The following TAS2R1 variants were observed in gnomAD, a reference collection of about 807,000 sequenced individuals.
TAS2R1 encodes the protein taste 2 receptor member 1.
For synonymous variants in TAS2R1, 141 were observed against 134.2 expected (o/e 1.05, Z -0.35); for missense variants, 370 against 353.4 (o/e 1.05, Z -0.38).
the TAS2R1 span, among the ~76,000 whole-genome samples, chr5:9,840,857 A>ATTTATTTT: frequency 2.3e-5 from 3 of 132,086 alleles, no homozygotes; most frequent in African/African-American, 8.4e-5. Flanking sequence ...TTATTTATTT[A>ATTTATTTT]TTTTTTTTTT....
At chr5:9,734,859 C>A in the TAS2R1 span, among the ~76,000 whole-genome samples, 1 of 151,282 alleles carries the variant, frequency 6.6e-6, no homozygotes. Context: ...TTTATATTCC[C>A]CTTGACTCAC....
the TAS2R1 span, among the ~76,000 whole-genome samples, chr5:9,812,226 T>C: frequency 6.6e-6 from 1 of 152,026 alleles, no homozygotes; most frequent in Non-Finnish European, 1.5e-5. Flanking sequence ...TACTGTCTGG[T>C]TCGGAGAAAA....
chr5:9,897,129 T>C, the TAS2R1 span, among the ~76,000 whole-genome samples: 8 of 151,696 alleles, frequency 5.3e-5, no homozygotes, highest in African/African-American at 1.9e-4. Flanking sequence ...TAACATGAGG[T>C]TTTCTTAAAA....
At chr5:9,900,836 G>T in the TAS2R1 span, among the ~76,000 whole-genome samples, 1 of 151,996 alleles carries the variant, frequency 6.6e-6, no homozygotes, top group African/African-American at 2.4e-5. Flanking sequence ...TGTTAGGCAG[G>T]ATGGTCTCGA....
chr5:9,729,583 T>A, the TAS2R1 span, among the ~76,000 whole-genome samples: 28 of 152,314 alleles, frequency 1.8e-4, no homozygotes, highest in East Asian at 5.8e-4. Context: ...CCCTTTTTTT[T>A]AAATATACTT....
chr5:9,852,852 A>ATAT, the TAS2R1 span, among the ~76,000 whole-genome samples: 728 of 151,270 alleles, frequency 4.8e-3, 6 homozygotes, highest in African/African-American at 0.017. Flanking sequence ...GAAAAAAAAA[A>ATAT]ATATATATAT....
the TAS2R1 span, among the ~76,000 whole-genome samples, chr5:9,820,673 C>T: frequency 2.6e-5 from 4 of 152,284 alleles, no homozygotes; most frequent in Admixed American, 6.5e-5. Flanking sequence ...CCACAGGCAG[C>T]ACAAAGAGCT....
At chr5:9,888,779 AGAG>A in the TAS2R1 span, among the ~76,000 whole-genome samples, 2 of 152,112 alleles carry the variant, frequency 1.3e-5, no homozygotes, top group African/African-American at 4.8e-5. Context: ...GATGACTCAC[AGAG>A]GAGGCAAGGG....
the TAS2R1 span, among the ~76,000 whole-genome samples, chr5:9,891,526 T>C: frequency 3.3e-5 from 5 of 152,116 alleles, no homozygotes; most frequent in Non-Finnish European, 7.4e-5. Context: ...GCACAGAGTA[T>C]GGGTTCCAAA....
chr5:9,632,461 G>C (rs965622266), upstream of TAS2R1, among the ~76,000 whole-genome samples: 1 of 152,124 alleles, frequency 6.6e-6, no homozygotes, highest in African/African-American at 2.4e-5. Context: ...GTGCATTGAT[G>C]AACTCTTCCT....
chr5:9,856,874 A>G, the TAS2R1 span, among the ~76,000 whole-genome samples: 129 of 152,358 alleles, frequency 8.5e-4, 1 homozygote, highest in African/African-American at 3.1e-3. Context: ...CAAGATATGG[A>G]ATAAATCTAA....
At chr5:9,735,857 T>C in the TAS2R1 span, among the ~76,000 whole-genome samples, 1 of 152,242 alleles carries the variant, frequency 6.6e-6, no homozygotes, top group African/African-American at 2.4e-5. Flanking sequence ...CATATGGAGA[T>C]AGAAACCTAT....
At chr5:9,828,614 A>G in the TAS2R1 span, among the ~76,000 whole-genome samples, 43,357 of 152,150 alleles carry the variant, frequency 0.28, 6,931 homozygotes, top group Non-Finnish European at 0.37. Flanking sequence ...CATCTTTGAA[A>G]TCAACTGCTT....
At chr5:9,679,787 T>C (rs1740959421) in intron 1 of TAS2R1, among the ~76,000 whole-genome samples, 1 of 152,176 alleles carries the variant, frequency 6.6e-6, no homozygotes, top group African/African-American at 2.4e-5. Flanking sequence ...GTAACATACA[T>C]AAATATTTAT....
chr5:9,834,929 G>A, the TAS2R1 span, among the ~76,000 whole-genome samples: 35,863 of 151,932 alleles, frequency 0.24, 4,485 homozygotes, highest in African/African-American at 0.33. Flanking sequence ...ATCATAAAAC[G>A]AGCCTAATGT....
At chr5:9,685,756 A>G (rs888315733) in intron 1 of TAS2R1, among the ~76,000 whole-genome samples, 6 of 152,184 alleles carry the variant, frequency 3.9e-5, no homozygotes, top group Non-Finnish European at 5.9e-5. Flanking sequence ...GTATTTCTAT[A>G]CCTATTTTTT....
At position 9,666,556 on chromosome 5, in the gene TAS2R1, A is replaced by G. The variant is rs938006527; in HGVS notation, c.-241-6975T>C. ...GATTTCTTCCTTGATGATGATACTTACAGAAAACAGATTCAAATTTGCTAG... is the reference window on the plus strand; with the variant it reads ...GATTTCTTCCTTGATGATGATACTTGCAGAAAACAGATTCAAATTTGCTAG... On this transcript the variant is annotated intron_variant, in intron 1 of 2. Coordinates refer to the TAS2R1 transcript ENST00000506620. Among the ~76,000 whole-genome samples the G allele has an allele frequency of 4.5e-4, 68 of 152,222 alleles. 1 individual carries two copies. The highest frequency in any genetic ancestry group is 3.9e-3 in the Admixed American group (60 of 15,270).
At chr5:9,810,955 CCCAAGACTATG>C in the TAS2R1 span, among the ~76,000 whole-genome samples, 1 of 152,100 alleles carries the variant, frequency 6.6e-6, no homozygotes, top group African/African-American at 2.4e-5. Context: ...CCAGCTATGC[CCCAAGACTATG>C]CCTGGTTCCT....
chr5:9,683,020 AG>A (rs1370763082), intron 1 of TAS2R1, among the ~76,000 whole-genome samples: 2 of 152,214 alleles, frequency 1.3e-5, no homozygotes, highest in African/African-American at 4.8e-5. Context: ...GGACGTAAAA[AG>A]ATCCTTTAAT....
Sources: allele counts gnomAD v4.1 joint callset (sites outside exome capture counted in the v4.1 genomes callset), GRCh38; gene constraint gnomAD v4.1.1; transcripts MANE v1.5; gene names NCBI Gene and HGNC (gene_info 2026-07-23, HGNC 2026-07-21).